DYNLT5: variants seen among roughly 807,000 people sequenced by gnomAD.
DYNLT5 encodes the protein dynein light chain Tctex-type family member 5.
A neutral mutation model predicts 19.3 loss-of-function variants in DYNLT5; 25 were observed. That is an observed-to-expected ratio of 1.30 (90% CI 0.95 to 1.81). DYNLT5 has a LOEUF of 1.81. DYNLT5 is among the 40% of genes most tolerant of loss of function. The pLI is 0.00. For missense variants in DYNLT5, 232 were observed against 217.9 expected, an observed-to-expected ratio of 1.06 and a Z score of -0.41; for synonymous variants, 82 against 68.9, an observed-to-expected ratio of 1.19 and a Z score of -0.94.
chr1:66,752,737 A>T (rs2094628269), intron 1 of DYNLT5, among the ~76,000 whole-genome samples, 153 bp downstream of exon 1: 4 of 152,290 alleles, frequency 2.6e-5, no homozygotes, highest in Non-Finnish European at 5.9e-5. Context: ...AATGATCCCA[A>T]ATTTGGGAAC....
At chr1:66,768,031 T>C (rs1645177119) in intron 2 of DYNLT5, among the ~76,000 whole-genome samples, 1 of 152,176 alleles carries the variant, frequency 6.6e-6, no homozygotes, top group Non-Finnish European at 1.5e-5. Context: ...AGAACAACTT[T>C]AGAAAGTAAA....
In DYNLT5 at chr1:66,777,331, G is replaced by C; in HGVS notation, c.417G>C (p.Arg139Ser). 1.2e-6 allele frequency: 2 copies of C among 1,613,906 alleles called. No homozygotes were observed. Among genetic ancestry groups the C allele is most frequent in the Non-Finnish European group, 1.7e-6 (2 of 1,179,892 alleles). Reference protein sequence around the residue: ...IVIVHIGQLNRQSILIGSRCL... With the variant: ...IVIVHIGQLNSQSILIGSRCL... ...TTGTTCACATTGGACAACTGAACAG[G>C]CAGAGCATACTTATTGGAAGCAGAT... Residue 139 changes from arginine (R) to serine (S), a missense_variant, in exon 5 of 5, where the codon AGG becomes AGC. Physicochemically the swap from Arg to Ser is moderately radical, Grantham distance 110 (BLOSUM62 -1). Transcript: ENST00000282670.
intron 2 of DYNLT5, among the ~76,000 whole-genome samples, chr1:66,760,908 C>T (rs2150861511): frequency 6.6e-6 from 1 of 152,332 alleles, no homozygotes. Context: ...TGTACTTTGT[C>T]AATCACCATT....
chr1:66,774,338 C>A (rs1645222499), intron 3 of DYNLT5, among the ~76,000 whole-genome samples: 2 of 152,092 alleles, frequency 1.3e-5, no homozygotes, highest in African/African-American at 4.8e-5. Flanking sequence ...AGCATTGTCA[C>A]CCTGGGTTAA....
chr1:66,764,187 CA>C (rs903814623), intron 2 of DYNLT5, among the ~76,000 whole-genome samples: 101 of 148,740 alleles, frequency 6.8e-4, no homozygotes, highest in African/African-American at 2.0e-3. Context: ...GATTCTGTCT[CA>C]AAAAAAAACA....
Position 66,776,073 on chromosome 1 carries a change from T to C in DYNLT5, c.212-206T>C, listed in dbSNP as rs1256470476. On this transcript the variant is annotated intron_variant, in intron 3 of 4. Coordinates refer to ENST00000282670, the MANE Select transcript of DYNLT5 (RefSeq NM_152665.3). The stretch of plus-strand genomic sequence containing the variant: ...AGTATTGAACACACTTTTGAGATAG[T>C]CACGTAAATGTACGAAAATATTGTC... 5 of 493,522 alleles carry C rather than the reference T, an allele frequency of 1.0e-5. No individual in the cohort carries two copies. The Admixed American group carries it at 1.1e-4, about 11-fold the overall frequency. 30.6% of individuals were successfully genotyped at this position (493,522 alleles called of 1,614,324 possible).
rs1352196635 is a variant in DYNLT5, at chr1:66,777,304, G to A, written c.390G>A (p.Val130=). 9 of 1,613,764 alleles carry A rather than the reference G, an allele frequency of 5.6e-6. No homozygotes were observed. The highest frequency in any genetic ancestry group is 7.6e-6 in the Non-Finnish European group (9 of 1,179,884). The change falls in exon 5 of 5, where the codon GTG becomes GTA. Residue 130 remains valine, a synonymous_variant. Transcript: ENST00000282670. ...DLMIPRYKLI[V]IVHIGQLNRQ... ...TGATTCCACGGTATAAACTAATTGTGATTGTTCACATTGGACAACTGAACA... is the reference window on the plus strand; with the variant it reads ...TGATTCCACGGTATAAACTAATTGTAATTGTTCACATTGGACAACTGAACA...
At chr1:66,760,116 TCTC>T (rs1018954068) in intron 2 of DYNLT5, among the ~76,000 whole-genome samples, 3 of 152,126 alleles carry the variant, frequency 2.0e-5, no homozygotes, top group Non-Finnish European at 2.9e-5. Flanking sequence ...CATCACATCT[TCTC>T]CTCCACCCAC....
intron 3 of DYNLT5, among the ~76,000 whole-genome samples, chr1:66,772,390 T>C (rs1557874148): frequency 6.6e-6 from 1 of 152,174 alleles, no homozygotes; most frequent in Non-Finnish European, 1.5e-5. Context: ...GGAAGAACTA[T>C]AGAGCAAGAA....
intron 2 of DYNLT5, among the ~76,000 whole-genome samples, chr1:66,756,923 TC>T (rs2094636976): frequency 6.6e-6 from 1 of 152,190 alleles, no homozygotes; most frequent in Non-Finnish European, 1.5e-5. Flanking sequence ...CTTACACTAT[TC>T]CCCTGGCTTT....
chr1:66,766,599 C>T lies in DYNLT5; in HGVS notation c.120-3788C>T, dbSNP rs527853200. ...CATATTCTGGTTTAATGCTATTTGCCCATACCTGCAAGCATTTTAAATATT... is the reference window on the plus strand; with the variant it reads ...CATATTCTGGTTTAATGCTATTTGCTCATACCTGCAAGCATTTTAAATATT... On this transcript the variant is annotated intron_variant, in intron 2 of 4. Coordinates refer to ENST00000282670, the MANE Select transcript of DYNLT5 (RefSeq NM_152665.3). 1.2e-4 allele frequency among the ~76,000 whole-genome samples: 18 copies of T among 152,178 alleles called. No individual in the cohort carries two copies. The South Asian group carries it at 3.5e-3, about 30-fold the overall frequency.
At chr1:66,776,547 A>ATG (rs1491333037) in intron 4 of DYNLT5, 144 bp downstream of exon 4, 95 of 742,064 alleles carry the variant, frequency 1.3e-4, no homozygotes, top group South Asian at 1.7e-4. Context: ...TTCTACATAT[A>ATG]TGTGTGTGTG....
At chr1:66,760,988 G>C (rs1316626980) in intron 2 of DYNLT5, among the ~76,000 whole-genome samples, 1 of 152,036 alleles carries the variant, frequency 6.6e-6, no homozygotes, top group Non-Finnish European at 1.5e-5. Flanking sequence ...TTATCCTTCA[G>C]CATCACTTCT....
chr1:66,770,560 G>A (rs1201516090), intron 3 of DYNLT5, 82 bp downstream of exon 3: 1 of 1,063,168 alleles, frequency 9.4e-7, no homozygotes, highest in South Asian at 1.3e-5. Flanking sequence ...TGATAACCTG[G>A]CATTGTCTTC....
At chr1:66,762,102 C>A (rs1185399414) in intron 2 of DYNLT5, among the ~76,000 whole-genome samples, 1 of 152,064 alleles carries the variant, frequency 6.6e-6, no homozygotes, top group African/African-American at 2.4e-5. Context: ...TTTAAGTTTA[C>A]CATGAGATTG....
chr1:66,772,960 A>C lies in DYNLT5; in HGVS notation c.211+2482A>C, dbSNP rs142703203. ...ATTGAATCTCAGTGTCTTCACTTGT[A>C]AATAGGGATAATAGTCTATACATCA... On this transcript the variant is annotated intron_variant, in intron 3 of 4. Coordinates refer to ENST00000282670, the MANE Select transcript of DYNLT5 (RefSeq NM_152665.3). Among the ~76,000 whole-genome samples, 249 of 152,312 alleles carry C rather than the reference A, an allele frequency of 1.6e-3. 1 individual carries two copies. The Middle Eastern group carries it at 0.017, about 10-fold the overall frequency.
At chr1:66,773,033 A>G (rs1386129182) in intron 3 of DYNLT5, among the ~76,000 whole-genome samples, 1 of 152,204 alleles carries the variant, frequency 6.6e-6, no homozygotes, top group Non-Finnish European at 1.5e-5. Context: ...AAATCTCTCC[A>G]TTCATCATGT....
Position 66,776,387 on chromosome 1 carries a change from C to G in DYNLT5, c.320C>G (p.Thr107Ser). 1.9e-6 allele frequency: 3 copies of G among 1,600,468 alleles called. No individual in the cohort carries two copies. Among genetic ancestry groups the G allele is most frequent in the Non-Finnish European group, 2.6e-6 (3 of 1,172,576 alleles). ...EYEPELCRQM[T>S]KTISEVIKAQ... ...GAACCAGAGCTCTGTAGACAGATGA[C>G]TAAAACCATTTCTGAGGTACGTGTG... Residue 107 changes from threonine to serine, a missense_variant, in exon 4 of 5, where the codon ACT becomes AGT. Coordinates refer to ENST00000282670, the MANE Select transcript of DYNLT5 (RefSeq NM_152665.3).
At chr1:66,771,933 G>C (rs1645206593) in intron 3 of DYNLT5, among the ~76,000 whole-genome samples, 1 of 152,140 alleles carries the variant, frequency 6.6e-6, no homozygotes, top group African/African-American at 2.4e-5. Flanking sequence ...TTTAGAAAAA[G>C]CTTAGTATAG....
Sources: allele counts gnomAD v4.1 joint callset (sites outside exome capture counted in the v4.1 genomes callset), GRCh38; gene constraint gnomAD v4.1.1; transcripts MANE v1.5; gene names NCBI Gene and HGNC (gene_info 2026-07-23, HGNC 2026-07-21).